PLEKHH2: variants seen among roughly 807,000 people sequenced by gnomAD.
The protein encoded by PLEKHH2 is pleckstrin homology domain-containing family H member 2.
A neutral mutation model predicts 187.9 loss-of-function variants in PLEKHH2; 129 were observed. The observed-to-expected ratio is 0.69, with a 90% CI of 0.59 to 0.79. The LOEUF (loss-of-function observed/expected upper bound fraction) is 0.79, where lower values mean the gene tolerates loss of function less well. PLEKHH2 is among the 30% of genes least tolerant of loss of function. The pLI is 0.00. For synonymous variants in PLEKHH2, 686 were observed against 605.6 expected (o/e 1.13, Z -1.95); for missense variants, 2,076 against 1,751.2 (o/e 1.19, Z -3.31).
In PLEKHH2 at chr2:43,731,534, G is replaced by T. The variant is rs1408506679; in HGVS notation, c.2875G>T (p.Gly959Ter). 1 of 1,607,104 alleles carries T rather than the reference G, an allele frequency of 6.2e-7. No individual in the cohort carries two copies. Among genetic ancestry groups the T allele is most frequent in the East Asian group, 2.2e-5 (1 of 44,806 alleles). Residue 959 changes from glycine to a stop codon, truncating the protein, a stop_gained, in exon 19 of 30, where the codon GGA becomes TGA. Transcript: ENST00000282406. LOFTEE classifies it high-confidence loss of function. ...CCCCACTTTGTGTCACAGTAAAGAAGGAATCATTTCCCCTCTGACAACTCT... is the reference window on the plus strand; with the variant it reads ...CCCCACTTTGTGTCACAGTAAAGAATGAATCATTTCCCCTCTGACAACTCT... ...RHPTLCHSKE[G>*]IISPLTTLPS...
At chr2:43,727,602 T>G (rs1258561990) in intron 17 of PLEKHH2, among the ~76,000 whole-genome samples, 2 of 152,164 alleles carry the variant, frequency 1.3e-5, no homozygotes, top group Non-Finnish European at 2.9e-5. Context: ...CAACTCTTTA[T>G]AGATTATTAT....
At chr2:43,734,619 C>A (rs1243511317) in intron 19 of PLEKHH2, among the ~76,000 whole-genome samples, 1 of 152,106 alleles carries the variant, frequency 6.6e-6, no homozygotes, top group African/African-American at 2.4e-5. Context: ...GTGAAGGATG[C>A]AGAGAAAGAG....
chr2:43,704,279 C>T (rs1035901960), intron 9 of PLEKHH2, among the ~76,000 whole-genome samples: 23 of 152,082 alleles, frequency 1.5e-4, no homozygotes, highest in African/African-American at 5.3e-4. Context: ...CTGGGTATAG[C>T]ATTTCAGATT....
At chr2:43,650,303 T>C (rs954875248) in intron 2 of PLEKHH2, among the ~76,000 whole-genome samples, 6 of 151,946 alleles carry the variant, frequency 3.9e-5, no homozygotes, top group African/African-American at 9.7e-5. Flanking sequence ...CAGCTAATTT[T>C]TGTATTTTTA....
At chr2:43,676,505 G>A (rs1363168700) in intron 2 of PLEKHH2, among the ~76,000 whole-genome samples, 1 of 151,992 alleles carries the variant, frequency 6.6e-6, no homozygotes, top group African/African-American at 2.4e-5. Context: ...CACTGCGGGT[G>A]GGGTCCGGGC....
At chr2:43,706,999 C>A (rs1325405083) in intron 10 of PLEKHH2, among the ~76,000 whole-genome samples, 1 of 152,164 alleles carries the variant, frequency 6.6e-6, no homozygotes, top group South Asian at 2.1e-4. Flanking sequence ...AGTTCGAGAC[C>A]AGCCTGGCCA....
In PLEKHH2 at chr2:43,710,304, G is replaced by A. The variant is rs1489286336; in HGVS notation, c.2188G>A (p.Gly730Ser). The change falls in exon 13 of 30, where the codon GGT becomes AGT. Residue 730 changes from glycine (G) to serine (S), a missense_variant. By Grantham distance (56) the Gly-to-Ser change is moderately conservative. Coordinates refer to ENST00000282406, the MANE Select transcript of PLEKHH2 (RefSeq NM_172069.4). ...GCGGCGGTGGTTTGTTCTTAAAGGT[G>A]GTGAATTACTTTACTACAAATCTCC... is the stretch of plus-strand genomic sequence containing the variant. ...WKRRWFVLKG[G>S]ELLYYKSPSD... The A allele has an allele frequency of 6.2e-7, 1 of 1,613,758 alleles. No individual in the cohort carries two copies. Among genetic ancestry groups the A allele is most frequent in the Non-Finnish European group, 8.5e-7 (1 of 1,179,826 alleles).
intron 25 of PLEKHH2, among the ~76,000 whole-genome samples, chr2:43,755,412 G>A (rs752374948): frequency 4.6e-5 from 7 of 152,036 alleles, no homozygotes; most frequent in Non-Finnish European, 7.4e-5. Flanking sequence ...GCTAAGGTTC[G>A]GATCATTGTC....
At chr2:43,741,301 T>A in intron 21 of PLEKHH2, 3 of 264,580 alleles carry the variant, frequency 1.1e-5, no homozygotes, top group Non-Finnish European at 1.4e-5. Context: ...CATTTGCATT[T>A]CAAGTATGAA....
chr2:43,697,276 C>G lies in PLEKHH2; in HGVS notation c.608C>G (p.Pro203Arg), dbSNP rs755406127. The G allele has an allele frequency of 2.5e-6, 4 of 1,613,630 alleles. No individual in the cohort carries two copies. The South Asian group carries it at 4.4e-5, about 18-fold the overall frequency. The change falls in exon 7 of 30, where the codon CCT (proline) becomes CGT (arginine). Residue 203 changes from proline (P) to arginine (R), a missense_variant. By Grantham distance (103) the Pro-to-Arg change is moderately radical (BLOSUM62 -2). Transcript: ENST00000282406. ...FGCFLSRARS[P>R]PQVVKSEEMS... ...TGCTTTTTATCTCGAGCAAGGAGTC[C>G]TCCTCAAGTAGTAAAATCTGAGGAA...
intron 19 of PLEKHH2, among the ~76,000 whole-genome samples, chr2:43,733,398 A>G (rs1326594989): frequency 1.3e-5 from 2 of 151,306 alleles, no homozygotes; most frequent in Non-Finnish European, 2.9e-5. Context: ...TCCACTTAAT[A>G]GACAACCCTT....
intron 15 of PLEKHH2, among the ~76,000 whole-genome samples, chr2:43,713,790 C>T (rs753150101): frequency 1.3e-5 from 2 of 151,516 alleles, no homozygotes; most frequent in African/African-American, 4.8e-5. Flanking sequence ...CATTCATGTA[C>T]TCTGATTATG....
rs572991393 is a variant in PLEKHH2 at position 43,704,255 on chromosome 2, G to A, written c.1726+199G>A. Reference sequence around the variant, plus strand: ...AGGGTCAGGGTGTGCGTGGAGAAGCGAATTTATTGTTTACTGGGTATAGCA... The same window carrying A: ...AGGGTCAGGGTGTGCGTGGAGAAGCAAATTTATTGTTTACTGGGTATAGCA... On this transcript the variant is annotated intron_variant, in intron 9 of 29. Transcript: ENST00000282406. Among the ~76,000 whole-genome samples the A allele has an allele frequency of 2.4e-4, 36 of 152,264 alleles. No individual in the cohort carries two copies. The South Asian group carries it at 6.4e-3, about 27-fold the overall frequency.
chr2:43,681,174 G>C (rs1456698927), intron 3 of PLEKHH2: 2 of 694,904 alleles, frequency 2.9e-6, no homozygotes, highest in Non-Finnish European at 2.5e-6. Context: ...ACATCCTTTT[G>C]GTCCACCACT....
chr2:43,749,438 T>C (rs543496105), intron 24 of PLEKHH2, among the ~76,000 whole-genome samples: 1 of 152,318 alleles, frequency 6.6e-6, no homozygotes, highest in East Asian at 1.9e-4. Flanking sequence ...CCCGACCACC[T>C]TGGGTACATG....
chr2:43,742,594 A>T (rs1671616313), intron 21 of PLEKHH2, 147 bp from the exon 22 acceptor site: 1 of 515,758 alleles, frequency 1.9e-6, no homozygotes, highest in Non-Finnish European at 3.1e-6. Context: ...AAGTTACAGC[A>T]GTTTAGTATT....
intron 21 of PLEKHH2, 106 bp from the exon 22 acceptor site, chr2:43,742,635 G>A (rs373333623): frequency 1.2e-6 from 1 of 821,462 alleles, no homozygotes; most frequent in South Asian, 2.8e-5. Flanking sequence ...GTCAAAATTA[G>A]CCTAATACAT....
At chr2:43,734,447 A>AT (rs1463239460) in intron 19 of PLEKHH2, among the ~76,000 whole-genome samples, 1 of 152,244 alleles carries the variant, frequency 6.6e-6, no homozygotes, top group African/African-American at 2.4e-5. Context: ...AAAGATCTCA[A>AT]TAGACATTTC....
In PLEKHH2 at chr2:43,756,413, C is replaced by G. The variant is rs1016147178; in HGVS notation, c.3796-706C>G. ...GTTCAAGCGATTCTTCTGCCTCAGC[C>G]TCCCGAGTAGCTGGGATTACAGGTG... is the stretch of plus-strand genomic sequence containing the variant. On this transcript the variant is annotated intron_variant, in intron 25 of 29. Transcript: ENST00000282406. Among the ~76,000 whole-genome samples, 41 of 152,112 alleles carry G rather than the reference C, an allele frequency of 2.7e-4. 1 individual carries two copies. Among genetic ancestry groups the G allele is most frequent in the Non-Finnish European group, 8.8e-5 (6 of 68,016 alleles).
Sources: gnomAD v4.1 joint callset for allele counts (sites outside exome capture counted in the v4.1 genomes callset) on GRCh38, gnomAD v4.1.1 for gene constraint, MANE v1.5 for transcripts, NCBI Gene and HGNC (gene_info 2026-07-23, HGNC 2026-07-21) for gene names.